The following TMEM170B variants were observed in gnomAD, a reference collection of about 807,000 sequenced individuals.
The protein encoded by TMEM170B is transmembrane protein 170B.
In TMEM170B, 6 loss-of-function variants were observed where a neutral mutation model predicts 13.0. That is an observed-to-expected ratio of 0.46 (90% CI 0.25 to 0.91). The LOEUF (loss-of-function observed/expected upper bound fraction) is 0.91, where lower values mean the gene tolerates loss of function less well. TMEM170B is among the 40% of genes least tolerant of loss of function. The pLI is 0.17. For missense variants in TMEM170B, 138 were observed against 165.2 expected, an observed-to-expected ratio of 0.84 and a Z score of 0.90; for synonymous variants, 61 against 64.9, an observed-to-expected ratio of 0.94 and a Z score of 0.29.
chr6:11,555,487 A>C (rs1311916947), intron 1 of TMEM170B, among the ~76,000 whole-genome samples: 1 of 151,870 alleles, frequency 6.6e-6, no homozygotes, highest in Non-Finnish European at 1.5e-5. Flanking sequence ...ATTTTTGAAA[A>C]ATTTTCAGCA....
At chr6:11,551,456 T>C (rs1759524335) in intron 1 of TMEM170B, among the ~76,000 whole-genome samples, 1 of 152,114 alleles carries the variant, frequency 6.6e-6, no homozygotes, top group African/African-American at 2.4e-5. Flanking sequence ...GGAATGAGGC[T>C]AAGGGAAGAC....
At chr6:11,560,582 TAAA>T (rs11404962) in intron 1 of TMEM170B, among the ~76,000 whole-genome samples, 2 of 135,652 alleles carry the variant, frequency 1.5e-5, no homozygotes, top group East Asian at 2.2e-4. Flanking sequence ...TGCTATCTCT[TAAA>T]AAAAAAAAAA....
chr6:11,546,476 AT>A (rs1759442852), intron 1 of TMEM170B, among the ~76,000 whole-genome samples: 2 of 152,224 alleles, frequency 1.3e-5, no homozygotes, highest in Admixed American at 1.3e-4. Flanking sequence ...TATAGTGTTT[AT>A]AAAGTCTACA....
Position 11,545,280 on chromosome 6 carries a change from C to CTCTCTGTGTG in TMEM170B, c.97+6907_97+6908insCTCTGTGTGT, listed in dbSNP as rs1442789332. Among the ~76,000 whole-genome samples the CTCTCTGTGTG allele has an allele frequency of 3.7e-3, 515 of 139,798 alleles. 7 individuals carry two copies. The highest frequency in any genetic ancestry group is 0.013 in the African/African-American group (482 of 37,360). The allele number at this position is 139,798 out of a possible 152,430, so 91.7% of individuals were successfully genotyped here. ...TTAAAAGGCTTCTCTCTCTCTCTCTCTGTGTGTGTGTGTGTGTGTGTGTGT... is the reference window on the plus strand; with the variant it reads ...TTAAAAGGCTTCTCTCTCTCTCTCTCTCTCTGTGTGTGTGTGTGTGTGTGTGTGTGTGTGT... On this transcript the variant is annotated intron_variant, in intron 1 of 2. Coordinates refer to ENST00000379426, the MANE Select transcript of TMEM170B (RefSeq NM_001100829.3).
In TMEM170B at chr6:11,582,012, C is replaced by G. The variant is rs1490336043; in HGVS notation, c.*6451C>G. 1.3e-5 allele frequency: 2 copies of G among 152,154 alleles called. No homozygotes were observed. The highest frequency in any genetic ancestry group is 6.6e-5 in the Admixed American group (1 of 15,266). The allele number at this position is 152,154 out of a possible 1,614,324, so 9.4% of individuals were successfully genotyped here. A position where few individuals can be genotyped will look rare whatever the true frequency, so the allele number is the denominator to read the frequency against. Reference sequence around the variant, plus strand: ...TGGCCCTCTCACCAATACACACATTCAGACTTGAGCTGCACGCATTTAGAT... The same window carrying G: ...TGGCCCTCTCACCAATACACACATTGAGACTTGAGCTGCACGCATTTAGAT... On this transcript the variant is annotated 3_prime_UTR_variant, in exon 3 of 3. Coordinates refer to ENST00000379426, the MANE Select transcript of TMEM170B (RefSeq NM_001100829.3).
chr6:11,572,455 A>G (rs1203915658), intron 2 of TMEM170B, among the ~76,000 whole-genome samples: 3 of 152,150 alleles, frequency 2.0e-5, no homozygotes, highest in African/African-American at 7.2e-5. Flanking sequence ...TTGTATACCA[A>G]TATTTTTATT....
At chr6:11,546,572 A>G (rs1296071918) in intron 1 of TMEM170B, among the ~76,000 whole-genome samples, 2 of 152,170 alleles carry the variant, frequency 1.3e-5, no homozygotes, top group Non-Finnish European at 2.9e-5. Flanking sequence ...TCTATTCATG[A>G]TAACTTCCCC....
intron 1 of TMEM170B, among the ~76,000 whole-genome samples, chr6:11,552,449 A>G (rs547545250): frequency 6.6e-6 from 1 of 152,346 alleles, no homozygotes; most frequent in Non-Finnish European, 1.5e-5. Flanking sequence ...GTCATCCAAA[A>G]GACCACTAGG....
At chr6:11,544,361 G>C (rs1358908335) in intron 1 of TMEM170B, among the ~76,000 whole-genome samples, 2 of 152,150 alleles carry the variant, frequency 1.3e-5, no homozygotes, top group Non-Finnish European at 2.9e-5. Flanking sequence ...TCTGAAGTCT[G>C]AAATCCTTCT....
intron 1 of TMEM170B, among the ~76,000 whole-genome samples, chr6:11,558,412 G>A (rs1195747463): frequency 1.3e-5 from 2 of 152,074 alleles, no homozygotes; most frequent in Non-Finnish European, 2.9e-5. Context: ...TTTGAACATT[G>A]TGTTTTAGAG....
intron 1 of TMEM170B, among the ~76,000 whole-genome samples, chr6:11,563,622 G>A (rs1353788924): frequency 6.6e-6 from 1 of 152,120 alleles, no homozygotes; most frequent in Non-Finnish European, 1.5e-5. Context: ...ACAGCTCATA[G>A]AACGCAAGGA....
intron 2 of TMEM170B, among the ~76,000 whole-genome samples, chr6:11,571,557 A>G (rs1319385838): frequency 6.6e-6 from 1 of 152,058 alleles, no homozygotes; most frequent in African/African-American, 2.4e-5. Flanking sequence ...CTAATTGATC[A>G]TGTTTGCCAC....
intron 1 of TMEM170B, among the ~76,000 whole-genome samples, chr6:11,565,294 A>C (rs982434120): frequency 2.0e-5 from 3 of 152,216 alleles, no homozygotes; most frequent in Non-Finnish European, 4.4e-5. Flanking sequence ...CATTCTTAAC[A>C]CTGCTATTTA....
intron 1 of TMEM170B, among the ~76,000 whole-genome samples, chr6:11,562,742 A>G (rs763411862): frequency 1.3e-5 from 2 of 152,148 alleles, no homozygotes; most frequent in East Asian, 3.9e-4. Context: ...CACCAACCTT[A>G]TCCAGATTTT....
At chr6:11,568,688 AATT>A (rs1213772345) in intron 2 of TMEM170B, among the ~76,000 whole-genome samples, 2 of 152,184 alleles carry the variant, frequency 1.3e-5, no homozygotes, top group African/African-American at 4.8e-5. Flanking sequence ...TTTTCTGGCT[AATT>A]ATCTGACCTG....
intron 1 of TMEM170B, among the ~76,000 whole-genome samples, chr6:11,545,771 G>A (rs1759430211): frequency 6.6e-6 from 1 of 151,744 alleles, no homozygotes; most frequent in Non-Finnish European, 1.5e-5. Context: ...ACTTTGGGAG[G>A]CCGAGGCAGG....
rs558328718 is a variant in TMEM170B, at chr6:11,575,898, G to T, written c.*337G>T. On this transcript the variant is annotated 3_prime_UTR_variant, in exon 3 of 3. Coordinates refer to ENST00000379426, the MANE Select transcript of TMEM170B (RefSeq NM_001100829.3). The surrounding 1 kb of genome is among the most constrained non-coding windows in gnomAD (Gnocchi z 4.1). ...TTATGTTAAGTTACAGGGACGTTTT[G>T]AGGTATTGATATATGTGCCAAACTC... 3 of 171,706 alleles carry T rather than the reference G, an allele frequency of 1.7e-5. No individual in the cohort carries two copies. In the East Asian group the frequency reaches 4.8e-4, roughly 27 times the overall value. The allele number at this position is 171,706 out of a possible 1,614,324, so 10.6% of individuals were successfully genotyped here. A position where few individuals can be genotyped will look rare whatever the true frequency, so the allele number is the denominator to read the frequency against.
At chr6:11,554,928 T>C (rs1759569537) in intron 1 of TMEM170B, among the ~76,000 whole-genome samples, 1 of 152,166 alleles carries the variant, frequency 6.6e-6, no homozygotes, top group Non-Finnish European at 1.5e-5. Context: ...GTTAGCGTGA[T>C]TAAAAATAAG....
intron 1 of TMEM170B, among the ~76,000 whole-genome samples, chr6:11,552,568 G>A (rs963852323): frequency 5.4e-4 from 83 of 152,300 alleles, no homozygotes; most frequent in African/African-American, 1.9e-3. Context: ...CTTCATAGAA[G>A]GGAAGTTGAG....
Sources: gnomAD v4.1 joint callset for allele counts (sites outside exome capture counted in the v4.1 genomes callset) on GRCh38, gnomAD v4.1.1 for gene constraint, Gnocchi (gnomAD v3.1) non-coding constraint, MANE v1.5 for transcripts, NCBI Gene and HGNC (gene_info 2026-07-23, HGNC 2026-07-21) for gene names.